PGM2L1: variants seen among roughly 807,000 people sequenced by gnomAD.
The protein encoded by PGM2L1 is phosphoglucomutase 2 like 1, also known as glucose 1,6-bisphosphate synthase.
A neutral mutation model predicts 73.4 loss-of-function variants in PGM2L1; 35 were observed. The ratio of observed to expected loss-of-function variants is 0.48; its 90% CI spans 0.36 to 0.63. PGM2L1 has a LOEUF of 0.63. PGM2L1 is among the 30% of genes least tolerant of loss of function. The pLI, the probability that PGM2L1 is intolerant of heterozygous loss-of-function variation, is 0.00. For missense variants in PGM2L1, 570 were observed against 742.0 expected (o/e 0.77, Z 2.69); for synonymous variants, 225 against 253.8 (o/e 0.89, Z 1.08).
In PGM2L1 at chr11:74,340,963, T is replaced by C. The variant is rs1039953174; in HGVS notation, c.1632+1498A>G. The stretch of plus-strand genomic sequence containing the variant: ...AAATGTATACATGTAGGTAAGTAAG[T>C]AAGCTGTTCTATTTGGCTGGAGGTA... On this transcript the variant is annotated intron_variant, in intron 12 of 13. Coordinates refer to ENST00000298198, the MANE Select transcript of PGM2L1 (RefSeq NM_173582.6). 3.3e-5 allele frequency among the ~76,000 whole-genome samples: 5 copies of C among 152,210 alleles called. No homozygotes were observed. In the East Asian group the frequency reaches 9.6e-4, roughly 29 times the overall value.
At chr11:74,348,430 T>C (rs983998469) in intron 6 of PGM2L1, among the ~76,000 whole-genome samples, 1 of 152,222 alleles carries the variant, frequency 6.6e-6, no homozygotes, top group Admixed American at 6.5e-5. Flanking sequence ...TATGTTTCCA[T>C]TGTCTGTCAA....
chr11:74,364,657 G>A (rs960246289), intron 5 of PGM2L1, among the ~76,000 whole-genome samples: 3 of 152,126 alleles, frequency 2.0e-5, no homozygotes, highest in African/African-American at 7.2e-5. Context: ...CAACTTACAA[G>A]TGATGTGAAG....
intron 1 of PGM2L1, among the ~76,000 whole-genome samples, chr11:74,394,961 C>G (rs998912796): frequency 3.3e-5 from 5 of 151,942 alleles, no homozygotes; most frequent in Non-Finnish European, 7.4e-5. Context: ...TGTTAAAAGA[C>G]TACATATGCC....
At position 74,372,130 on chromosome 11, in the gene PGM2L1, T is replaced by TA. The variant is rs10712477; in HGVS notation, c.280-314dup. ...AGAAGAAACATGAGCGTCAATAAGC[T>TA]AAAAAAAAAAAAAAGATTAGAAGAG... On this transcript the variant is annotated intron_variant, in intron 2 of 13. Coordinates refer to ENST00000298198, the MANE Select transcript of PGM2L1 (RefSeq NM_173582.6). 3.0e-4 allele frequency among the ~76,000 whole-genome samples: 44 copies of TA among 145,718 alleles called. 2 individuals are homozygous for TA. Among genetic ancestry groups the TA allele is most frequent in the African/African-American group, 5.6e-4 (22 of 39,470 alleles).
chr11:74,330,978 AT>A lies in PGM2L1; in HGVS notation c.*5673del, dbSNP rs985407357. 1 of 152,174 alleles carries A rather than the reference AT, an allele frequency of 6.6e-6. No individual in the cohort carries two copies. Among genetic ancestry groups the A allele is most frequent in the African/African-American group, 2.4e-5 (1 of 41,438 alleles). 9.4% of individuals were successfully genotyped at this position (152,174 alleles called of 1,614,324 possible). On this transcript the variant is annotated 3_prime_UTR_variant, in exon 14 of 14. Transcript: ENST00000298198. ...TTGAAAAAACTGAATTAGAAAATTC[AT>A]TTTTTGATTGTTCCTTAAACTATTT... is the stretch of plus-strand genomic sequence containing the variant.
intron 1 of PGM2L1, among the ~76,000 whole-genome samples, chr11:74,383,824 A>AAAATATATATATAT (rs1862983102): frequency 1.6e-5 from 2 of 121,838 alleles, no homozygotes; most frequent in Middle Eastern, 9.3e-3. Flanking sequence ...TATATAAATA[A>AAAATATATATATAT]ATATATATAT....
At chr11:74,347,834 A>C (rs1341115300) in intron 6 of PGM2L1, among the ~76,000 whole-genome samples, 2 of 152,178 alleles carry the variant, frequency 1.3e-5, no homozygotes, top group African/African-American at 4.8e-5. Flanking sequence ...AAATAGTTGA[A>C]TATTGCTAGA....
chr11:74,377,995 C>A (rs1862881875), intron 1 of PGM2L1, among the ~76,000 whole-genome samples: 1 of 151,948 alleles, frequency 6.6e-6, no homozygotes, highest in Non-Finnish European at 1.5e-5. Context: ...TTTGACTGAC[C>A]TGCTTTGAAG....
intron 13 of PGM2L1, among the ~76,000 whole-genome samples, chr11:74,337,642 G>C (rs1203909825): frequency 2.0e-5 from 3 of 152,046 alleles, no homozygotes; most frequent in Non-Finnish European, 2.9e-5. Flanking sequence ...CTCTTAAAAG[G>C]AAATGAACTG....
intron 1 of PGM2L1, among the ~76,000 whole-genome samples, chr11:74,382,070 T>C (rs560195610): frequency 7.2e-5 from 11 of 152,276 alleles, no homozygotes; most frequent in African/African-American, 2.4e-4. Context: ...TACCATTTTT[T>C]CACCCAAAAC....
At chr11:74,373,838 C>A (rs1336035389) in intron 2 of PGM2L1, among the ~76,000 whole-genome samples, 3 of 152,194 alleles carry the variant, frequency 2.0e-5, no homozygotes, top group Non-Finnish European at 4.4e-5. Context: ...AAATGCAAAG[C>A]AACATTGTTA....
chr11:74,371,726 C>G lies in PGM2L1; in HGVS notation c.371G>C (p.Ser124Thr). 1.2e-6 allele frequency: 2 copies of G among 1,613,268 alleles called. No homozygotes were observed. Among genetic ancestry groups the G allele is most frequent in the Non-Finnish European group, 1.7e-6 (2 of 1,179,274 alleles). ...AACTTTGTACCTCTGGCTGCTGCAGCTGCTAGTTACTTGACCCCGAGTGTC... is the reference window on the plus strand; with the variant it reads ...AACTTTGTACCTCTGGCTGCTGCAGGTGCTAGTTACTTGACCCCGAGTGTC... Reference protein sequence around the residue: ...GYDTRGQVTSSCSSQRLAKLT... With the variant: ...GYDTRGQVTSTCSSQRLAKLT... The change falls in exon 3 of 14, where the codon AGC (serine) becomes ACC (threonine). Residue 124 changes from serine (S) to threonine (T), a missense_variant. Coordinates refer to ENST00000298198, the MANE Select transcript of PGM2L1 (RefSeq NM_173582.6).
Position 74,336,620 on chromosome 11 carries a change from C to A in PGM2L1, c.*32G>T. 1 of 1,470,360 alleles carries A rather than the reference C, an allele frequency of 6.8e-7. No homozygotes were observed. The highest frequency in any genetic ancestry group is 9.4e-7 in the Non-Finnish European group (1 of 1,066,582). 91.1% of individuals were successfully genotyped at this position (1,470,360 alleles called of 1,614,324 possible). A position where few individuals can be genotyped will look rare whatever the true frequency, so the allele number is the denominator to read the frequency against. The stretch of plus-strand genomic sequence containing the variant: ...GTTCTCGGTTGCTCTGTTCCATATG[C>A]CCACACAGTGTCATGACATATTGGT... On this transcript the variant is annotated 3_prime_UTR_variant, in exon 14 of 14. Coordinates refer to ENST00000298198, the MANE Select transcript of PGM2L1 (RefSeq NM_173582.6).
intron 1 of PGM2L1, among the ~76,000 whole-genome samples, chr11:74,378,224 C>G (rs1289715801): frequency 6.6e-6 from 1 of 151,926 alleles, no homozygotes; most frequent in Admixed American, 6.6e-5. Context: ...ATCACTTGAA[C>G]TAGGGAGGCA....
In PGM2L1 at chr11:74,346,379, A is replaced by G. The variant is rs540801396; in HGVS notation, c.1037+353T>C. 6.6e-5 allele frequency among the ~76,000 whole-genome samples: 10 copies of G among 151,806 alleles called. No individual in the cohort carries two copies. In the South Asian group the frequency reaches 2.1e-3, roughly 32 times the overall value. On this transcript the variant is annotated intron_variant, in intron 8 of 13. Transcript: ENST00000298198. Reference sequence around the variant, plus strand: ...ATATTATGTCTTTGTAAAAATTAATATTTTCAAAAAATGTATAAAGTCAGG... The same window carrying G: ...ATATTATGTCTTTGTAAAAATTAATGTTTTCAAAAAATGTATAAAGTCAGG...
chr11:74,342,423 A>T (rs753574921), intron 12 of PGM2L1, 38 bp downstream of exon 12: 3 of 1,397,096 alleles, frequency 2.1e-6, no homozygotes, highest in Admixed American at 5.2e-5. Flanking sequence ...GAGCCATGAA[A>T]TTTTCTAAAT....
chr11:74,381,599 GAC>G (rs1220410177), intron 1 of PGM2L1, among the ~76,000 whole-genome samples: 2 of 108,442 alleles, frequency 1.8e-5, no homozygotes, highest in Admixed American at 1.1e-4. Flanking sequence ...TTTTTTTTGA[GAC>G]AGAGTCTCGT....
intron 1 of PGM2L1, among the ~76,000 whole-genome samples, chr11:74,388,898 T>A (rs1863052100): frequency 2.6e-5 from 4 of 152,196 alleles, no homozygotes; most frequent in African/African-American, 9.7e-5. Flanking sequence ...AGACCACAGT[T>A]GACTAATGAA....
intron 5 of PGM2L1, among the ~76,000 whole-genome samples, chr11:74,359,773 C>T (rs1222769887): frequency 1.3e-5 from 2 of 151,132 alleles, no homozygotes; most frequent in Admixed American, 1.3e-4. Context: ...TATCCCTGAA[C>T]AGAAATGAAA....
Sources: allele counts gnomAD v4.1 joint callset (sites outside exome capture counted in the v4.1 genomes callset), GRCh38; gene constraint gnomAD v4.1.1; transcripts MANE v1.5; gene names NCBI Gene and HGNC (gene_info 2026-07-23, HGNC 2026-07-21).